CCDC201: variants seen among roughly 807,000 people sequenced by gnomAD.
The protein encoded by CCDC201 is coiled-coil domain containing 201, also known as coiled-coil domain-containing protein 201.
At chr7:45,884,624 T>C in the CCDC201 span, among the ~76,000 whole-genome samples, 1 of 152,150 alleles carries the variant, frequency 6.6e-6, no homozygotes, top group Non-Finnish European at 1.5e-5. Flanking sequence ...AGCTGTCTGC[T>C]GTCATCCCAC....
At chr7:45,877,124 A>C (rs141376080), upstream of CCDC201, among the ~76,000 whole-genome samples, 332 of 152,336 alleles carry the variant, frequency 2.2e-3, no homozygotes, top group African/African-American at 7.7e-3. Flanking sequence ...TAAGGTGTAG[A>C]AAATCCTCAA....
intron 2 of CCDC201, among the ~76,000 whole-genome samples, chr7:45,865,790 G>C (rs1174805967): frequency 6.6e-6 from 1 of 152,224 alleles, no homozygotes; most frequent in Non-Finnish European, 1.5e-5. Context: ...TCAGAGCAGA[G>C]AGCTGTCTTG....
chr7:45,872,561 G>A (rs1040561272), intron 1 of CCDC201, among the ~76,000 whole-genome samples: 7 of 152,156 alleles, frequency 4.6e-5, no homozygotes, highest in African/African-American at 1.7e-4. Context: ...GGAGATGGAG[G>A]AGGACCAATG....
At chr7:45,872,775 G>A (rs375308691) in intron 1 of CCDC201, among the ~76,000 whole-genome samples, 1 of 152,170 alleles carries the variant, frequency 6.6e-6, no homozygotes, top group East Asian at 1.9e-4. Flanking sequence ...AGGCTCCCGA[G>A]GACCCCAGGG....
upstream of CCDC201, among the ~76,000 whole-genome samples, chr7:45,875,520 G>A (rs1382496330): frequency 1.3e-5 from 2 of 151,996 alleles, no homozygotes; most frequent in East Asian, 1.9e-4. Flanking sequence ...CACAGAAATG[G>A]TAGCGTTTGT....
chr7:45,876,712 G>A (rs879608007), upstream of CCDC201, among the ~76,000 whole-genome samples: 1 of 152,232 alleles, frequency 6.6e-6, no homozygotes, highest in Non-Finnish European at 1.5e-5. Context: ...ACACAGTGGT[G>A]TTAGCCTGGC....
chr7:45,884,944 G>A, the CCDC201 span, among the ~76,000 whole-genome samples: 195 of 152,210 alleles, frequency 1.3e-3, no homozygotes, highest in African/African-American at 4.3e-3. Flanking sequence ...ACTCCACTGC[G>A]GTCACTGTTG....
At chr7:45,865,328 A>G (rs1317005402) in intron 2 of CCDC201, among the ~76,000 whole-genome samples, 2 of 152,226 alleles carry the variant, frequency 1.3e-5, no homozygotes, top group African/African-American at 4.8e-5. Context: ...AGTAAAAAGT[A>G]GGTCTGAGAC....
At chr7:45,880,353 C>T in the CCDC201 span, among the ~76,000 whole-genome samples, 1 of 152,212 alleles carries the variant, frequency 6.6e-6, no homozygotes, top group African/African-American at 2.4e-5. Flanking sequence ...AGTCCAAGTC[C>T]CCCAAAAGTA....
At chr7:45,875,313 G>A (rs1786788558), upstream of CCDC201, among the ~76,000 whole-genome samples, 1 of 152,050 alleles carries the variant, frequency 6.6e-6, no homozygotes, top group Non-Finnish European at 1.5e-5. Flanking sequence ...TGTCTAAAAT[G>A]GTGAAACCCC....
At chr7:45,867,176 T>C (rs1786687461) in intron 1 of CCDC201, among the ~76,000 whole-genome samples, 1 of 152,160 alleles carries the variant, frequency 6.6e-6, no homozygotes, top group Non-Finnish European at 1.5e-5. Flanking sequence ...AGTCTGTCCA[T>C]GTTAAAGTGA....
chr7:45,871,140 A>G (rs1402943214), intron 1 of CCDC201, among the ~76,000 whole-genome samples: 1 of 152,242 alleles, frequency 6.6e-6, no homozygotes, highest in African/African-American at 2.4e-5. Flanking sequence ...TGTTTTACAA[A>G]TGTATGCCCA....
the CCDC201 span, among the ~76,000 whole-genome samples, chr7:45,883,926 G>T: frequency 6.6e-6 from 1 of 151,802 alleles, no homozygotes; most frequent in Non-Finnish European, 1.5e-5. Context: ...CCAGGCGCCG[G>T]CTCCCTCCCT....
chr7:45,867,199 T>C (rs970514970), intron 1 of CCDC201, among the ~76,000 whole-genome samples: 3 of 152,100 alleles, frequency 2.0e-5, no homozygotes, highest in African/African-American at 7.2e-5. Context: ...TGACAGCAGA[T>C]TGAGTTGTCC....
chr7:45,881,307 T>C, the CCDC201 span, among the ~76,000 whole-genome samples: 1 of 152,204 alleles, frequency 6.6e-6, no homozygotes, highest in Non-Finnish European at 1.5e-5. Flanking sequence ...TAGCTCTGCC[T>C]CTTTGTTTCT....
the CCDC201 span, among the ~76,000 whole-genome samples, chr7:45,880,214 GTTA>G: frequency 3.3e-5 from 5 of 152,180 alleles, no homozygotes. Context: ...ATGAAGAGGA[GTTA>G]TTTTTTATTA....
At chr7:45,883,177 T>G in the CCDC201 span, among the ~76,000 whole-genome samples, 1 of 152,140 alleles carries the variant, frequency 6.6e-6, no homozygotes, top group Non-Finnish European at 1.5e-5. Flanking sequence ...TCATAGTTCT[T>G]TATCAAATGG....
chr7:45,873,165 A>G (rs10241749), upstream of CCDC201: 126,628 of 152,310 alleles, frequency 0.83, 53,257 homozygotes, highest in African/African-American at 0.95. Flanking sequence ...ACGCCATTGC[A>G]CAGGTGTGGG....
At chr7:45,861,151 A>G (rs555048718) in exon 3 of CCDC201, 12 of 152,320 alleles carry the variant, frequency 7.9e-5, no homozygotes, top group African/African-American at 1.9e-4. Context: ...TGCCTGAATC[A>G]CTTTGCATCA....
Sources: gnomAD v4.1 joint callset for allele counts (sites outside exome capture counted in the v4.1 genomes callset) on GRCh38, gnomAD v4.1.1 for gene constraint, MANE v1.5 for transcripts, NCBI Gene and HGNC (gene_info 2026-07-23, HGNC 2026-07-21) for gene names.